Variants in TEX9 observed in about 807,000 individuals in gnomAD.
TEX9 encodes the protein testis expressed 9, also known as testis-expressed protein 9.
In TEX9, 74 loss-of-function variants were observed where a neutral mutation model predicts 59.6. The ratio of observed to expected loss-of-function variants is 1.24; its 90% CI spans 1.03 to 1.51. The LOEUF is 1.51. Ranked by LOEUF, TEX9 falls within the 40% of genes most tolerant of loss-of-function variation. The pLI, the probability that TEX9 is intolerant of heterozygous loss-of-function variation, is 0.00. For synonymous variants in TEX9, 186 were observed against 152.2 expected, an observed-to-expected ratio of 1.22 and a Z score of -1.64; for missense variants, 522 against 447.8, an observed-to-expected ratio of 1.17 and a Z score of -1.49.
At chr15:56,363,993 T>C (rs570353852), upstream of TEX9, among the ~76,000 whole-genome samples, 1 of 152,046 alleles carries the variant, frequency 6.6e-6, no homozygotes, top group Non-Finnish European at 1.5e-5. Context: ...TTTTTGAATT[T>C]TAATACTTCT....
At chr15:56,444,631 T>G in intron 12 of TEX9, 1 of 1,613,154 alleles carries the variant, frequency 6.2e-7, no homozygotes. Context: ...ATTATTCTCT[T>G]GTGTTCTTCC....
rs117189211 is a variant in TEX9 at position 56,351,902 on chromosome 15, T to C, written c.-106-21539T>C. On this transcript the variant is annotated intron_variant, in intron 1 of 5. Transcript: ENST00000560827. ...ATTTTGGTTTCTCTACAAAATGCTT[T>C]ATTTTGGTTTCTTTATTTTGGTTTT... 2.0e-4 allele frequency among the ~76,000 whole-genome samples: 31 copies of C among 152,324 alleles called. 1 individual carries two copies. In the East Asian group the frequency reaches 5.6e-3, roughly 27 times the overall value.
chr15:56,305,479 A>G (rs2045459221), intron 1 of TEX9, among the ~76,000 whole-genome samples: 2 of 152,222 alleles, frequency 1.3e-5, no homozygotes, highest in African/African-American at 4.8e-5. Context: ...ATAAATCTAC[A>G]GTGAACTCAT....
chr15:56,330,722 T>A (rs576879985), intron 1 of TEX9, among the ~76,000 whole-genome samples: 2 of 149,352 alleles, frequency 1.3e-5, no homozygotes, highest in Admixed American at 1.3e-4. Context: ...CCAGAGGAAA[T>A]CACCATCAAA....
intron 1 of TEX9, among the ~76,000 whole-genome samples, chr15:56,305,959 A>G (rs1593454): frequency 0.38 from 57,597 of 152,016 alleles, 11,409 homozygotes; most frequent in Non-Finnish European, 0.45. Flanking sequence ...AAAAATGGGC[A>G]AAAGGAAATG....
chr15:56,323,820 T>C (rs2045959852), intron 1 of TEX9: 1 of 216,158 alleles, frequency 4.6e-6, no homozygotes. Flanking sequence ...TAGTTGGTTC[T>C]AGTGACTTTT....
At chr15:56,459,990 CAAAAA>C in the TEX9 span, among the ~76,000 whole-genome samples, 10 of 11,112 alleles carry the variant, frequency 9.0e-4, 1 homozygote, top group African/African-American at 3.1e-3. Context: ...AATTCTGTCT[CAAAAA>C]AAAAAAAAAA....
intron 1 of TEX9, among the ~76,000 whole-genome samples, chr15:56,313,003 G>A (rs1191264463): frequency 7.5e-6 from 1 of 134,160 alleles, no homozygotes; most frequent in Non-Finnish European, 1.6e-5. Context: ...TTTGTATCCT[G>A]AGACTTTGCT....
chr15:56,426,976 C>T (rs1168606880), intron 10 of TEX9, among the ~76,000 whole-genome samples: 1 of 151,898 alleles, frequency 6.6e-6, no homozygotes, highest in Non-Finnish European at 1.5e-5. Context: ...GGAGTCTCAC[C>T]CTCTAAATGG....
chr15:56,277,018 T>C (rs1004745181), intron 1 of TEX9, among the ~76,000 whole-genome samples: 1 of 46,578 alleles, frequency 2.1e-5, no homozygotes, highest in Admixed American at 2.2e-4. Flanking sequence ...GGTTGTTTGT[T>C]TTTTTTTTCT....
intron 1 of TEX9, among the ~76,000 whole-genome samples, chr15:56,352,349 A>T (rs2092678592): frequency 6.6e-6 from 1 of 151,988 alleles, no homozygotes; most frequent in Non-Finnish European, 1.5e-5. Flanking sequence ...GGTTCAAGCA[A>T]TTCTCCTGCC....
intron 6 of TEX9, among the ~76,000 whole-genome samples, 172 bp downstream of exon 6, chr15:56,389,572 G>A (rs1323978830): frequency 1.3e-5 from 2 of 151,788 alleles, no homozygotes; most frequent in Non-Finnish European, 1.5e-5. Context: ...TTTCTACTCA[G>A]GAATGTTTTG....
chr15:56,419,142 G>T (rs2049848435), intron 10 of TEX9, among the ~76,000 whole-genome samples: 1 of 151,440 alleles, frequency 6.6e-6, no homozygotes, highest in South Asian at 2.1e-4. Context: ...ATCTCTTAGT[G>T]TTTCCGTTTT....
At chr15:56,364,451 C>G (rs2046855526), upstream of TEX9, among the ~76,000 whole-genome samples, 1 of 148,804 alleles carries the variant, frequency 6.7e-6, no homozygotes, top group East Asian at 2.0e-4. Flanking sequence ...CTGTGCCCAG[C>G]CTCTTTTTTC....
intron 1 of TEX9, among the ~76,000 whole-genome samples, chr15:56,288,634 A>G (rs1711953727): frequency 8.5e-6 from 1 of 118,094 alleles, no homozygotes; most frequent in South Asian, 2.5e-4. Context: ...CTTATATACA[A>G]TTTGTTTCTT....
At chr15:56,412,365 C>T (rs781517890) in exon 10 of TEX9, 41 of 1,613,252 alleles carry the variant, frequency 2.5e-5, no homozygotes, top group African/African-American at 1.1e-4. Context: ...CACAGAGGTT[C>T]GCTTGAATAG....
At chr15:56,338,848 G>A (rs2046309381) in intron 1 of TEX9, among the ~76,000 whole-genome samples, 1 of 152,070 alleles carries the variant, frequency 6.6e-6, no homozygotes, top group South Asian at 2.1e-4. Context: ...AACCTGGGAG[G>A]CAGAGGTTGC....
chr15:56,333,346 G>GCAT (rs1177203951), intron 1 of TEX9, among the ~76,000 whole-genome samples: 1 of 152,026 alleles, frequency 6.6e-6, no homozygotes, highest in Non-Finnish European at 1.5e-5. Flanking sequence ...CCCAGTGATG[G>GCAT]AGGGATGGTT....
chr15:56,273,298 C>T (rs1463292938), intron 1 of TEX9, among the ~76,000 whole-genome samples: 2 of 152,068 alleles, frequency 1.3e-5, no homozygotes, highest in Non-Finnish European at 2.9e-5. Context: ...TTTACTTATA[C>T]TTCTTTTTAA....
Sources: allele counts gnomAD v4.1 joint callset (sites outside exome capture counted in the v4.1 genomes callset), GRCh38; gene constraint gnomAD v4.1.1; transcripts MANE v1.5; gene names NCBI Gene and HGNC (gene_info 2026-07-23, HGNC 2026-07-21).